The following CNTNAP4 variants were observed in gnomAD, a reference collection of about 807,000 sequenced individuals.
CNTNAP4 encodes the protein contactin associated protein family member 4, also known as contactin-associated protein-like 4.
A neutral mutation model predicts 148.4 loss-of-function variants in CNTNAP4; 98 were observed. The observed-to-expected ratio is 0.66, with a 90% CI of 0.56 to 0.78. The LOEUF is 0.78. Among genes scored for constraint, CNTNAP4 ranks in the 30% least tolerant of loss-of-function variants. The pLI is 0.00. For missense variants in CNTNAP4, 1,935 were observed against 1,565.6 expected (o/e 1.24, Z -3.98); for synonymous variants, 730 against 565.1 (o/e 1.29, Z -4.14).
intron 8 of CNTNAP4, among the ~76,000 whole-genome samples, chr16:76,458,085 A>G (rs1171448760): frequency 6.6e-6 from 1 of 152,126 alleles, no homozygotes; most frequent in South Asian, 2.1e-4. Flanking sequence ...ACTTAGGATA[A>G]TAGTCTCCAG....
At chr16:76,519,401 A>G (rs570128682) in intron 15 of CNTNAP4, among the ~76,000 whole-genome samples, 10 of 152,286 alleles carry the variant, frequency 6.6e-5, no homozygotes, top group Admixed American at 6.5e-4. Flanking sequence ...GTTAGTTATG[A>G]TATAATATGA....
At chr16:76,414,297 A>G (rs767491701) in intron 3 of CNTNAP4, among the ~76,000 whole-genome samples, 8 of 151,534 alleles carry the variant, frequency 5.3e-5, no homozygotes, top group South Asian at 2.1e-4. Context: ...TGAGAAAACC[A>G]TATGTTACTT....
intron 1 of CNTNAP4, among the ~76,000 whole-genome samples, chr16:76,315,726 C>T (rs1238350213): frequency 2.0e-5 from 3 of 152,108 alleles, no homozygotes; most frequent in Non-Finnish European, 2.9e-5. Context: ...TCCCTAGCAG[C>T]TGAGACTACA....
At chr16:76,525,419 T>G (rs896569306) in intron 17 of CNTNAP4, among the ~76,000 whole-genome samples, 2 of 149,768 alleles carry the variant, frequency 1.3e-5, no homozygotes, top group African/African-American at 4.9e-5. Context: ...TGTCTATCCA[T>G]CTATCTAGAA....
intron 1 of CNTNAP4, among the ~76,000 whole-genome samples, chr16:76,281,302 T>A (rs1186824170): frequency 6.6e-6 from 1 of 152,088 alleles, no homozygotes; most frequent in African/African-American, 2.4e-5. Flanking sequence ...AAAATATAAT[T>A]CTATGAGGCA....
At chr16:76,315,887 G>A (rs1429185759) in intron 1 of CNTNAP4, among the ~76,000 whole-genome samples, 1 of 151,494 alleles carries the variant, frequency 6.6e-6, no homozygotes, top group Non-Finnish European at 1.5e-5. Context: ...GAGCCACCAC[G>A]CCAGGCTGTG....
chr16:76,479,127 C>T (rs2081707404), intron 11 of CNTNAP4, among the ~76,000 whole-genome samples: 2 of 151,972 alleles, frequency 1.3e-5, no homozygotes, highest in Admixed American at 6.6e-5. Flanking sequence ...CCTTCTCTTT[C>T]CTTGTTCTTC....
chr16:76,419,222 C>T (rs1843218077), intron 3 of CNTNAP4, among the ~76,000 whole-genome samples: 1 of 151,936 alleles, frequency 6.6e-6, no homozygotes, highest in African/African-American at 2.4e-5. Context: ...CGCTCTGACT[C>T]CTGTTGCTTT....
chr16:76,299,627 T>G (rs9926712), intron 1 of CNTNAP4, among the ~76,000 whole-genome samples: 2 of 152,040 alleles, frequency 1.3e-5, no homozygotes, highest in Admixed American at 6.6e-5. Flanking sequence ...CCATTTGACC[T>G]AGCCATCCCA....
At chr16:76,377,154 T>G (rs1440944108) in intron 3 of CNTNAP4, among the ~76,000 whole-genome samples, 1 of 152,094 alleles carries the variant, frequency 6.6e-6, no homozygotes, top group Non-Finnish European at 1.5e-5. Context: ...GTCAGTCTTT[T>G]TTTTCATATA....
intron 2 of CNTNAP4, among the ~76,000 whole-genome samples, chr16:76,343,016 G>A (rs1280437821): frequency 6.6e-6 from 1 of 152,070 alleles, no homozygotes; most frequent in Non-Finnish European, 1.5e-5. Flanking sequence ...TGTGGTAACA[G>A]CGTTCAGGAA....
chr16:76,462,179 A>G, intron 9 of CNTNAP4, 74 bp downstream of exon 9: 1 of 1,305,236 alleles, frequency 7.7e-7, no homozygotes, highest in Non-Finnish European at 1.1e-6. Flanking sequence ...TGGCGAAGTC[A>G]TCATGTTTTA....
chr16:76,390,571 AG>A (rs2016890981), intron 3 of CNTNAP4, among the ~76,000 whole-genome samples: 1 of 115,128 alleles, frequency 8.7e-6, no homozygotes. Flanking sequence ...CATAAATAAC[AG>A]GTAAAAAAAA....
chr16:76,537,292 G>T (rs2084252553), intron 18 of CNTNAP4, among the ~76,000 whole-genome samples: 1 of 152,102 alleles, frequency 6.6e-6, no homozygotes, highest in African/African-American at 2.4e-5. Flanking sequence ...GATGTCAAGG[G>T]AGCCTAAACA....
chr16:76,375,509 T>A (rs903322993), intron 3 of CNTNAP4, among the ~76,000 whole-genome samples: 1 of 152,188 alleles, frequency 6.6e-6, no homozygotes, highest in Non-Finnish European at 1.5e-5. Context: ...TCTTTTGTCA[T>A]GTAGGAAAGC....
rs142926108 is a variant in CNTNAP4, at chr16:76,395,926, A to C, written c.391-31526A>C. On this transcript the variant is annotated intron_variant, in intron 3 of 23. Coordinates refer to ENST00000611870, the MANE Select transcript of CNTNAP4 (RefSeq NM_033401.5). ...GTATTTTTAGTAGAGATGGGGTTTCACCATGTTTGGCAGGCTGGTCTCAAA... is the reference window on the plus strand; with the variant it reads ...GTATTTTTAGTAGAGATGGGGTTTCCCCATGTTTGGCAGGCTGGTCTCAAA... Among the ~76,000 whole-genome samples, 434 of 151,976 alleles carry C rather than the reference A, an allele frequency of 2.9e-3. 3 individuals are homozygous for C. The highest frequency in any genetic ancestry group is 0.01 in the African/African-American group (421 of 41,456).
chr16:76,452,113 G>C (rs780938604), intron 7 of CNTNAP4, among the ~76,000 whole-genome samples: 4 of 151,560 alleles, frequency 2.6e-5, no homozygotes, highest in Non-Finnish European at 5.9e-5. Context: ...TACACATATG[G>C]GTTAGTGTAG....
At chr16:76,306,054 C>G (rs1418663560) in intron 1 of CNTNAP4, among the ~76,000 whole-genome samples, 1 of 152,146 alleles carries the variant, frequency 6.6e-6, no homozygotes, top group Non-Finnish European at 1.5e-5. Context: ...TTTATCCAGT[C>G]CACCACTGGT....
chr16:76,293,838 A>ATT (rs1567604174), intron 1 of CNTNAP4, among the ~76,000 whole-genome samples: 41 of 150,162 alleles, frequency 2.7e-4, no homozygotes, highest in African/African-American at 1.0e-3. Flanking sequence ...TTTTTTTTAA[A>ATT]AAAAAGGATA....
Sources: gnomAD v4.1 joint callset for allele counts (sites outside exome capture counted in the v4.1 genomes callset) on GRCh38, gnomAD v4.1.1 for gene constraint, MANE v1.5 for transcripts, NCBI Gene and HGNC (gene_info 2026-07-23, HGNC 2026-07-21) for gene names.